Variants in AK8 observed in about 807,000 individuals in gnomAD.
AK8 encodes ATP-AMP transphosphorylase 8.
In AK8, 44 loss-of-function variants were observed where a neutral mutation model predicts 54.6. That is an observed-to-expected ratio of 0.81 (90% confidence interval 0.63 to 1.04). AK8 has a LOEUF of 1.04. AK8 is among the 50% of genes least tolerant of loss of function. The pLI, the probability that AK8 is intolerant of heterozygous loss-of-function variation, is 0.00. For synonymous variants in AK8, 239 were observed against 245.6 expected, an observed-to-expected ratio of 0.97 and a Z score of 0.25; for missense variants, 555 against 613.6, an observed-to-expected ratio of 0.90 and a Z score of 1.01.
intron 11 of AK8, among the ~76,000 whole-genome samples, chr9:132,758,069 T>G (rs1036217343): frequency 3.3e-5 from 5 of 152,264 alleles, no homozygotes; most frequent in African/African-American, 1.2e-4. Flanking sequence ...CTTTGTTTCT[T>G]GGACGTTTCC....
chr9:132,823,701 G>GTGGCT (rs1841752428), intron 8 of AK8, among the ~76,000 whole-genome samples: 1 of 152,248 alleles, frequency 6.6e-6, no homozygotes, highest in Non-Finnish European at 1.5e-5. Flanking sequence ...TATAGGGCTG[G>GTGGCT]TGGCTTTTCC....
chr9:132,842,532 G>A (rs929969149), intron 5 of AK8, among the ~76,000 whole-genome samples: 20 of 152,182 alleles, frequency 1.3e-4, no homozygotes, highest in Non-Finnish European at 2.4e-4. Context: ...CTGAAGAAGT[G>A]ACTTGAAGCT....
At chr9:132,877,815 C>T (rs1256221972) in intron 1 of AK8, 4 of 530,548 alleles carry the variant, frequency 7.5e-6, no homozygotes, top group South Asian at 6.1e-5. Flanking sequence ...CCGGGAGAGC[C>T]CCTGGGAGAC....
At chr9:132,753,633 G>A (rs1398732599) in intron 11 of AK8, among the ~76,000 whole-genome samples, 1 of 152,208 alleles carries the variant, frequency 6.6e-6, no homozygotes, top group East Asian at 1.9e-4. Flanking sequence ...TTTCCTTGCT[G>A]GAGGGTATGG....
intron 1 of AK8, among the ~76,000 whole-genome samples, chr9:132,876,245 G>A (rs1402982238): frequency 6.6e-6 from 1 of 152,206 alleles, no homozygotes; most frequent in Non-Finnish European, 1.5e-5. Flanking sequence ...ATTCATGTTT[G>A]TATGTCACTG....
intron 11 of AK8, among the ~76,000 whole-genome samples, chr9:132,743,256 C>T (rs1351108062): frequency 6.6e-6 from 1 of 152,272 alleles, no homozygotes; most frequent in Admixed American, 6.5e-5. Context: ...TGCCGTCGGG[C>T]GGCCCCACAG....
rs79860159 is a variant in AK8 at position 132,762,969 on chromosome 9, G to A, written c.1121+29665C>T. On this transcript the variant is annotated intron_variant, in intron 11 of 12. Transcript: ENST00000298545. ...GAGTCAGCCAGGAACCAGGAGGAAC[G>A]TCTTCCTACAGCGAAAAGGTAGAAA... 7.7e-3 allele frequency among the ~76,000 whole-genome samples: 1,180 copies of A among 152,324 alleles called. 8 individuals carry two copies. The highest frequency in any genetic ancestry group is 0.014 in the Non-Finnish European group (925 of 68,024).
chr9:132,788,407 G>C (rs1181004498), intron 11 of AK8, among the ~76,000 whole-genome samples: 1 of 152,132 alleles, frequency 6.6e-6, no homozygotes, highest in Non-Finnish European at 1.5e-5. Context: ...TTGATCTTTT[G>C]TTATTGAGGA....
intron 11 of AK8, among the ~76,000 whole-genome samples, chr9:132,751,397 C>CAA (rs1364532991): frequency 7.8e-6 from 1 of 128,538 alleles, no homozygotes; most frequent in Non-Finnish European, 1.7e-5. Context: ...AAAAAAAAAA[C>CAA]AAAAAAAACC....
chr9:132,808,130 T>C (rs886167882), intron 10 of AK8, among the ~76,000 whole-genome samples: 1 of 152,166 alleles, frequency 6.6e-6, no homozygotes, highest in Non-Finnish European at 1.5e-5. Flanking sequence ...AGAATCGTTT[T>C]TACTTGTTTT....
chr9:132,877,405 G>A (rs2131462710), intron 1 of AK8, among the ~76,000 whole-genome samples: 1 of 152,178 alleles, frequency 6.6e-6, no homozygotes, highest in Middle Eastern at 3.4e-3. Flanking sequence ...CTGGGGATGG[G>A]GTGTACCCTG....
intron 4 of AK8, among the ~76,000 whole-genome samples, chr9:132,859,381 C>T (rs938735922): frequency 2.6e-5 from 4 of 151,962 alleles, no homozygotes; most frequent in Non-Finnish European, 4.4e-5. Context: ...GGACTACAGG[C>T]GCCCCCCACC....
At chr9:132,815,715 G>C (rs553030262) in intron 9 of AK8, among the ~76,000 whole-genome samples, 148 of 152,350 alleles carry the variant, frequency 9.7e-4, no homozygotes, top group Admixed American at 1.8e-3. Context: ...AGGAGGTGCT[G>C]GGCAACAAGC....
intron 5 of AK8, among the ~76,000 whole-genome samples, chr9:132,851,980 C>T (rs896848371): frequency 9.2e-5 from 14 of 152,086 alleles, no homozygotes; most frequent in East Asian, 1.9e-4. Flanking sequence ...GATGAAAACT[C>T]GAAAGCGGCT....
chr9:132,771,913 T>C (rs1037629728), intron 11 of AK8, among the ~76,000 whole-genome samples: 6 of 152,096 alleles, frequency 3.9e-5, no homozygotes, highest in Non-Finnish European at 7.4e-5. Context: ...AATCATGGCG[T>C]AAGGCAAGGA....
chr9:132,863,827 C>T (rs2285938), intron 3 of AK8, 49 bp from the exon 4 acceptor site: 274,082 of 1,376,896 alleles, frequency 0.2, 30,087 homozygotes, highest in East Asian at 0.45. Context: ...ACAATAAATA[C>T]ACAAATGACT....
chr9:132,759,216 AT>A (rs368040609), intron 11 of AK8, among the ~76,000 whole-genome samples: 41 of 148,982 alleles, frequency 2.8e-4, no homozygotes, highest in Admixed American at 1.8e-3. Flanking sequence ...AAAAAAAAAA[AT>A]AGAAATGTAC....
Position 132,868,805 on chromosome 9 carries a change from C to T in AK8, c.170-1852G>A, listed in dbSNP as rs796186146. Among the ~76,000 whole-genome samples the T allele has an allele frequency of 1.1e-4, 16 of 152,298 alleles. 1 individual carries two copies. Among genetic ancestry groups the T allele is most frequent in the African/African-American group, 3.8e-4 (16 of 41,570 alleles). ...TGGTCACTGTTTGTCACCTTTGTCA[C>T]CACCATTACTACTGCCTTACAGAGG... On this transcript the variant is annotated intron_variant, in intron 2 of 12. Transcript: ENST00000298545.
At chr9:132,764,875 C>G (rs1489180096) in intron 11 of AK8, among the ~76,000 whole-genome samples, 1 of 152,164 alleles carries the variant, frequency 6.6e-6, no homozygotes, top group African/African-American at 2.4e-5. Flanking sequence ...CAGCATTACT[C>G]TAATACCAAG....
Sources: gnomAD v4.1 joint callset for allele counts (sites outside exome capture counted in the v4.1 genomes callset) on GRCh38, gnomAD v4.1.1 for gene constraint, MANE v1.5 for transcripts, NCBI Gene and HGNC (gene_info 2026-07-23, HGNC 2026-07-21) for gene names.